ART5: variants seen among roughly 807,000 people sequenced by gnomAD.
ART5 encodes the protein ecto-ADP-ribosyltransferase 5.
A neutral mutation model predicts 25.0 loss-of-function variants in ART5; 22 were observed. The observed-to-expected ratio is 0.88, with a 90% CI of 0.63 to 1.26. The LOEUF is 1.26. Among genes scored for constraint, ART5 ranks in the 50% most tolerant of loss-of-function variants. The pLI, the probability that ART5 is intolerant of heterozygous loss-of-function variation, is 0.00. For missense variants in ART5, 402 were observed against 372.8 expected (o/e 1.08, Z -0.64); for synonymous variants, 161 against 154.8 (o/e 1.04, Z -0.30).
chr11:3,639,079 C>T, intron 2 of ART5, 44 bp from the exon 3 acceptor site: 1 of 1,548,028 alleles, frequency 6.5e-7, no homozygotes, highest in East Asian at 2.4e-5. Flanking sequence ...GACAGACTCG[C>T]ACCCAAACTG....
At chr11:3,642,135 T>G (rs2077412219), upstream of ART5, 1 of 1,298,272 alleles carries the variant, frequency 7.7e-7, no homozygotes, top group Non-Finnish European at 9.8e-7. Flanking sequence ...GGGCCGCAGT[T>G]TGGCTCCGCC....
intron 2 of ART5, 77 bp downstream of exon 2, chr11:3,639,565 C>T: frequency 2.0e-6 from 3 of 1,515,724 alleles, no homozygotes; most frequent in Non-Finnish European, 1.8e-6. Context: ...CCCGAAGGCC[C>T]CGGGGATTAT....
At chr11:3,639,249 C>T (rs2077356773) in intron 2 of ART5, among the ~76,000 whole-genome samples, 1 of 152,216 alleles carries the variant, frequency 6.6e-6, no homozygotes, top group South Asian at 2.1e-4. Context: ...GTCACTCTTC[C>T]ATCTCTCCCT....
Position 3,640,232 on chromosome 11 carries a change from T to C in ART5, c.197A>G (p.Glu66Gly). 1 of 1,613,778 alleles carries C rather than the reference T, an allele frequency of 6.2e-7. No individual in the cohort carries two copies. Among genetic ancestry groups the C allele is most frequent in the Non-Finnish European group, 8.5e-7 (1 of 1,180,028 alleles). ...EEMAHHALLR[E>G]SWEAAQETWE... ...GGTCTCCTGGGCTGCCTCCCAGGAT[T>C]CCCGCAGCAGGGCATGGTGGGCCAT... The change falls in exon 2 of 4, where the codon GAA becomes GGA. Residue 66 changes from glutamate to glycine, a missense_variant. Transcript: ENST00000397068.
intron 1 of ART5, among the ~76,000 whole-genome samples, chr11:3,640,666 T>G (rs1196800865): frequency 6.6e-6 from 1 of 150,794 alleles, no homozygotes; most frequent in Non-Finnish European, 1.5e-5. Flanking sequence ...ACCTCCCAGG[T>G]TGGAGTGATT....
intron 3 of ART5, 50 bp downstream of exon 3, chr11:3,638,953 A>G: frequency 6.4e-7 from 1 of 1,570,228 alleles, no homozygotes; most frequent in African/African-American, 1.4e-5. Flanking sequence ...AGGGGTCAGC[A>G]GGGTGAGGGG....
chr11:3,639,916 C>T lies in ART5; in HGVS notation c.513G>A (p.Arg171=), dbSNP rs764236648. Residue 171 remains arginine, a synonymous_variant, in exon 2 of 4, where the codon AGG becomes AGA. Transcript: ENST00000397068. ...GGCCCAAGCGGACAGAGTCTCCCAG[C>T]CTCTTGGGTTCAAAGCGAAGGCTGC... ...GVGSLRFEPK[R]LGDSVRLGQF... 8.1e-6 allele frequency: 13 copies of T among 1,614,196 alleles called. No individual in the cohort carries two copies. The highest frequency in any genetic ancestry group is 1.3e-5 in the African/African-American group (1 of 75,072).
At chr11:3,640,459 C>A in intron 1 of ART5, 88 bp from the exon 2 acceptor site, 1 of 1,436,136 alleles carries the variant, frequency 7.0e-7, no homozygotes, top group Non-Finnish European at 9.2e-7. Context: ...TCCAGAAACA[C>A]AGAATCTCAT....
At chr11:3,642,266 G>A (rs7934216), upstream of ART5, 3,665 of 1,052,100 alleles carry the variant, frequency 3.5e-3, 93 homozygotes, top group African/African-American at 0.056. Context: ...GAGTCCGGCT[G>A]AAAGCAAAGG....
chr11:3,641,398 C>G (rs1164636464), intron 1 of ART5, among the ~76,000 whole-genome samples: 3 of 152,194 alleles, frequency 2.0e-5, no homozygotes, highest in Non-Finnish European at 4.4e-5. Flanking sequence ...AGCCACCACA[C>G]CAAATCACTG....
At position 3,638,705 on chromosome 11, in the gene ART5, C is replaced by G; in HGVS notation, c.*33G>C. On this transcript the variant is annotated 3_prime_UTR_variant, in exon 4 of 4. Transcript: ENST00000397068. Reference sequence around the variant, plus strand: ...AACATCCTGGTTGGGGAGAAGGCTGCTAGGGCTGGGTCCGGAACCATGTTC... The same window carrying G: ...AACATCCTGGTTGGGGAGAAGGCTGGTAGGGCTGGGTCCGGAACCATGTTC... 1 of 1,613,984 alleles carries G rather than the reference C, an allele frequency of 6.2e-7. No individual in the cohort carries two copies. Among genetic ancestry groups the G allele is most frequent in the Non-Finnish European group, 8.5e-7 (1 of 1,179,858 alleles).
At position 3,639,955 on chromosome 11, in the gene ART5, C is replaced by A. The variant is rs1166416844; in HGVS notation, c.474G>T (p.Val158=). ...AGCGAAGGCTGCCCACACCTCGGAA[C>A]ACCACCTCCCCAGGTCCCCTGCTGC... ...GGCSRGPGEV[V]FRGVGSLRFE... The change falls in exon 2 of 4, where the codon GTG becomes GTT. Residue 158 remains valine (V), a synonymous_variant. Transcript: ENST00000397068. 1 of 1,614,174 alleles carries A rather than the reference C, an allele frequency of 6.2e-7. No homozygotes were observed. The highest frequency in any genetic ancestry group is 1.1e-5 in the South Asian group (1 of 91,088).
chr11:3,642,083 C>T, upstream of ART5: 1 of 1,408,586 alleles, frequency 7.1e-7, no homozygotes, highest in East Asian at 2.6e-5. Flanking sequence ...ACCCCTTCCT[C>T]AGAGCCTCCA....
rs1565028783 is a variant in ART5 at position 3,639,919 on chromosome 11, C to A, written c.510G>T (p.Lys170Asn). The part of the protein sequence containing the change: ...RGVGSLRFEP[K>N]RLGDSVRLGQ... The stretch of plus-strand genomic sequence containing the variant: ...CCAAGCGGACAGAGTCTCCCAGCCT[C>A]TTGGGTTCAAAGCGAAGGCTGCCCA... The change falls in exon 2 of 4, where the codon AAG becomes AAT. Residue 170 changes from lysine (K) to asparagine (N), a missense_variant. By Grantham distance (94) the Lys-to-Asn change is moderately conservative. Transcript: ENST00000397068. 6.2e-7 allele frequency: 1 copy of A among 1,614,092 alleles called. No individual in the cohort carries two copies. The highest frequency in any genetic ancestry group is 8.5e-7 in the Non-Finnish European group (1 of 1,180,044).
Position 3,640,211 on chromosome 11 carries a change from T to C in ART5, c.218A>G (p.Glu73Gly). 2 of 1,613,928 alleles carry C rather than the reference T, an allele frequency of 1.2e-6. No individual in the cohort carries two copies. The highest frequency in any genetic ancestry group is 1.7e-6 in the Non-Finnish European group (2 of 1,180,048). ...LLRESWEAAQETWEDKRRGLT... is the reference protein window; with the variant it reads ...LLRESWEAAQGTWEDKRRGLT... ...CCCTCGACGCTTGTCCTCCCAGGTCTCCTGGGCTGCCTCCCAGGATTCCCG... is the reference window on the plus strand; with the variant it reads ...CCCTCGACGCTTGTCCTCCCAGGTCCCCTGGGCTGCCTCCCAGGATTCCCG... The change falls in exon 2 of 4, where the codon GAG becomes GGG. Residue 73 changes from glutamate to glycine, a missense_variant. Glu to Gly is a moderately conservative substitution (Grantham distance 98). Coordinates refer to ENST00000397068, the MANE Select transcript of ART5 (RefSeq NM_053017.5).
intron 2 of ART5, 70 bp from the exon 3 acceptor site, chr11:3,639,105 C>A: frequency 6.7e-7 from 1 of 1,492,252 alleles, no homozygotes; most frequent in Non-Finnish European, 9.1e-7. Context: ...CCCACCAGGC[C>A]CTGGCAGGGC....
At position 3,640,190 on chromosome 11, in the gene ART5, C is replaced by G; in HGVS notation, c.239G>C (p.Arg80Pro). The G allele has an allele frequency of 3.1e-6, 5 of 1,614,006 alleles. No homozygotes were observed. The highest frequency in any genetic ancestry group is 4.2e-6 in the Non-Finnish European group (5 of 1,180,048). ...GAAGCCAGGGGGCAAGGTAAGCCCTCGACGCTTGTCCTCCCAGGTCTCCTG... is the reference window on the plus strand; with the variant it reads ...GAAGCCAGGGGGCAAGGTAAGCCCTGGACGCTTGTCCTCCCAGGTCTCCTG... ...AAQETWEDKR[R>P]GLTLPPGFKA... Residue 80 changes from arginine to proline, a missense_variant, in exon 2 of 4, where the codon CGA becomes CCA. Arg to Pro is a moderately radical substitution (Grantham distance 103). Transcript: ENST00000397068.
intron 3 of ART5, 37 bp downstream of exon 3, chr11:3,638,966 G>C (rs1222586124): frequency 8.3e-6 from 13 of 1,564,256 alleles, no homozygotes; most frequent in Non-Finnish European, 1.0e-5. Context: ...GTGAGGGGGA[G>C]TCAAAGCAGC....
In ART5 at chr11:3,641,858, G is replaced by A. The variant is rs866487174; in HGVS notation, c.5C>T (p.Ala2Val). Residue 2 changes from alanine to valine, a missense_variant, in exon 1 of 4, where the codon GCG (alanine) becomes GTG (valine). Transcript: ENST00000397068. Reference sequence around the variant, plus strand: ...GAGGGCGATCATCAAAGCCGCCAGCGCCATCCCTGGAGGAGACGTGAGGGC... The same window carrying A: ...GAGGGCGATCATCAAAGCCGCCAGCACCATCCCTGGAGGAGACGTGAGGGC... M[A>V]LAALMIALGS... The A allele has an allele frequency of 1.3e-6, 2 of 1,572,306 alleles. No homozygotes were observed. Among genetic ancestry groups the A allele is most frequent in the Non-Finnish European group, 8.6e-7 (1 of 1,159,268 alleles).
Sources: gnomAD v4.1 joint callset for allele counts (sites outside exome capture counted in the v4.1 genomes callset) on GRCh38, gnomAD v4.1.1 for gene constraint, MANE v1.5 for transcripts, NCBI Gene and HGNC (gene_info 2026-07-23, HGNC 2026-07-21) for gene names.